The following CELF2 variants were observed in gnomAD, a reference collection of about 807,000 sequenced individuals.
The protein encoded by CELF2 is CUGBP Elav-like family member 2.
Under a neutral mutation model 62.6 loss-of-function variants are expected in CELF2, and 8 were observed. The observed-to-expected ratio is 0.13, with a 90% CI of 0.07 to 0.23. The LOEUF (loss-of-function observed/expected upper bound fraction) is 0.23, where lower values mean the gene tolerates loss of function less well. CELF2 is among the 10% of genes least tolerant of loss of function. The pLI is 1.00. For missense variants in CELF2, 333 were observed against 671.0 expected, an observed-to-expected ratio of 0.50 and a Z score of 5.56; for synonymous variants, 258 against 250.0, an observed-to-expected ratio of 1.03 and a Z score of -0.30.
chr10:10,708,517 T>C, the CELF2 span, among the ~76,000 whole-genome samples: 9 of 152,252 alleles, frequency 5.9e-5, no homozygotes, highest in South Asian at 2.1e-4. Flanking sequence ...ACTTAACAAA[T>C]ATAATATCAG....
At chr10:10,829,588 A>G (rs148465794) in intron 1 of CELF2, among the ~76,000 whole-genome samples, 3 of 152,206 alleles carry the variant, frequency 2.0e-5, no homozygotes, top group Non-Finnish European at 2.9e-5. Flanking sequence ...TCCTTCCCAG[A>G]TGTTATTCCA....
chr10:11,132,451 C>T (rs867571861), intron 1 of CELF2, among the ~76,000 whole-genome samples: 3 of 152,214 alleles, frequency 2.0e-5, no homozygotes, highest in Middle Eastern at 3.4e-3. Context: ...AGCTCAAGAG[C>T]ACAACCAAGG....
chr10:11,112,851 G>C (rs1238535339), intron 1 of CELF2, among the ~76,000 whole-genome samples: 1 of 152,198 alleles, frequency 6.6e-6, no homozygotes, highest in Non-Finnish European at 1.5e-5. Flanking sequence ...CATATCCGAA[G>C]CTTGTGTCCT....
At chr10:10,622,328 G>T in the CELF2 span, among the ~76,000 whole-genome samples, 4 of 152,156 alleles carry the variant, frequency 2.6e-5, no homozygotes, top group Admixed American at 1.3e-4. Context: ...CCAAGGTTAG[G>T]CCAGGTATGG....
chr10:11,055,621 T>G (rs2140240443), intron 1 of CELF2, among the ~76,000 whole-genome samples: 1 of 152,388 alleles, frequency 6.6e-6, no homozygotes, highest in East Asian at 1.9e-4. Context: ...CCTGATATTC[T>G]GTGCAGTGGT....
intron 2 of CELF2, chr10:10,960,185 A>G (rs1181731210): frequency 1.3e-5 from 2 of 152,232 alleles, no homozygotes; most frequent in East Asian, 3.9e-4. Flanking sequence ...CTTTCTGTTA[A>G]CAGTGCTGCA....
At chr10:10,550,165 T>C in the CELF2 span, among the ~76,000 whole-genome samples, 1 of 152,222 alleles carries the variant, frequency 6.6e-6, no homozygotes, top group Non-Finnish European at 1.5e-5. Context: ...TATTATACAG[T>C]ATATTCTAAC....
intron 3 of CELF2, among the ~76,000 whole-genome samples, chr10:11,228,328 C>T (rs2067307680): frequency 6.6e-6 from 1 of 152,092 alleles, no homozygotes; most frequent in Non-Finnish European, 1.5e-5. Flanking sequence ...TACTTGATCT[C>T]ACATAAAAAA....
chr10:11,145,609 A>T lies in CELF2; in HGVS notation c.75-19877A>T, dbSNP rs1484903029. ...CTGAAGGCAGGAAGTGGAGAGCGGAAGTGAGCTGTGGGTGACTGCAGAGAG... is the reference window on the plus strand; with the variant it reads ...CTGAAGGCAGGAAGTGGAGAGCGGATGTGAGCTGTGGGTGACTGCAGAGAG... On this transcript the variant is annotated intron_variant, in intron 1 of 12. Coordinates refer to ENST00000633077, the MANE Select transcript of CELF2 (RefSeq NM_001326342.2). The surrounding 1 kb of genome is among the most constrained non-coding windows in gnomAD (Gnocchi z 4.3). Among the ~76,000 whole-genome samples the T allele has an allele frequency of 6.6e-6, 1 of 152,236 alleles. No individual in the cohort carries two copies. The highest frequency in any genetic ancestry group is 1.9e-4 in the East Asian group (1 of 5,198).
chr10:10,464,064 T>C, the CELF2 span, among the ~76,000 whole-genome samples: 48 of 152,226 alleles, frequency 3.2e-4, 1 homozygote, highest in Middle Eastern at 3.4e-3. Context: ...CGGGTCTCTA[T>C]AGCTATTCTA....
the CELF2 span, among the ~76,000 whole-genome samples, chr10:10,695,207 G>A: frequency 1.4e-5 from 2 of 146,992 alleles, no homozygotes; most frequent in Admixed American, 6.7e-5. Context: ...GCCTGGTGGT[G>A]ACAAAATCTC....
chr10:10,648,459 C>T, the CELF2 span, among the ~76,000 whole-genome samples: 4,217 of 152,268 alleles, frequency 0.028, 153 homozygotes, highest in Admixed American at 0.082. Context: ...GCATACTTAT[C>T]GCTCACTAGT....
the CELF2 span, among the ~76,000 whole-genome samples, chr10:10,644,628 G>A: frequency 2.6e-5 from 4 of 152,134 alleles, no homozygotes; most frequent in African/African-American, 4.8e-5. Flanking sequence ...CAGCCTGGGC[G>A]AGGTATAGGA....
the CELF2 span, among the ~76,000 whole-genome samples, chr10:10,701,163 C>T: frequency 1.3e-5 from 2 of 152,324 alleles, no homozygotes; most frequent in African/African-American, 4.8e-5. Flanking sequence ...GAGAAAATGG[C>T]AGGAGGCTGC....
chr10:10,561,291 G>A, the CELF2 span, among the ~76,000 whole-genome samples: 1 of 152,150 alleles, frequency 6.6e-6, no homozygotes, highest in African/African-American at 2.4e-5. Context: ...CCAACCCCGG[G>A]AGAAGACTAG....
In CELF2 at chr10:11,290,374, G is replaced by T. The variant is rs1326229490; in HGVS notation, c.976+1822G>T. Reference sequence around the variant, plus strand: ...GAGGCAGAGGACAGAGCCAGTGGGTGGGGGAGAGCGGAGTGGGGGCTCTGT... The same window carrying T: ...GAGGCAGAGGACAGAGCCAGTGGGTTGGGGAGAGCGGAGTGGGGGCTCTGT... On this transcript the variant is annotated intron_variant, in intron 9 of 12. Transcript: ENST00000633077. The surrounding 1 kb of genome is among the most constrained non-coding windows in gnomAD (Gnocchi z 4.3). 6.6e-6 allele frequency among the ~76,000 whole-genome samples: 1 copy of T among 152,132 alleles called. No individual in the cohort carries two copies. The highest frequency in any genetic ancestry group is 2.4e-5 in the African/African-American group (1 of 41,408).
rs1353603180 is a variant in CELF2 at position 11,268,352 on chromosome 10, A to G, written c.618+1675A>G. Among the ~76,000 whole-genome samples, 3 of 152,246 alleles carry G rather than the reference A, an allele frequency of 2.0e-5. No homozygotes were observed. Among genetic ancestry groups the G allele is most frequent in the East Asian group, 3.9e-4 (2 of 5,188 alleles). On this transcript the variant is annotated intron_variant, in intron 6 of 12. Coordinates refer to ENST00000633077, the MANE Select transcript of CELF2 (RefSeq NM_001326342.2). This position sits in a 1 kb window ranked among gnomAD's most constrained non-coding sequence, Gnocchi z 4.7. ...CTCACCTGAGATAATTTTGAACCTC[A>G]ATTCTTCAGTGTTTCTGTTAGAAAC...
At chr10:10,669,568 G>A in the CELF2 span, among the ~76,000 whole-genome samples, 5 of 150,032 alleles carry the variant, frequency 3.3e-5, no homozygotes, top group South Asian at 1.0e-3. Context: ...ATTCTAATAT[G>A]TAATTTGCCA....
chr10:10,969,581 T>A (rs1433607368), intron 2 of CELF2, among the ~76,000 whole-genome samples: 1 of 152,134 alleles, frequency 6.6e-6, no homozygotes, highest in Non-Finnish European at 1.5e-5. Flanking sequence ...TCTATCTCCT[T>A]CTCCCTCCCC....
Sources: gnomAD v4.1 joint callset for allele counts (sites outside exome capture counted in the v4.1 genomes callset) on GRCh38, gnomAD v4.1.1 for gene constraint, Gnocchi (gnomAD v3.1) non-coding constraint, MANE v1.5 for transcripts, NCBI Gene and HGNC (gene_info 2026-07-23, HGNC 2026-07-21) for gene names.